Variants in PIK3CA observed in about 807,000 individuals in gnomAD.
PIK3CA encodes the protein phosphatidylinositol 4,5-bisphosphate 3-kinase catalytic subunit alpha isoform.
Under a neutral mutation model 138.2 loss-of-function variants are expected in PIK3CA, and 27 were observed. The observed-to-expected ratio is 0.20, with a 90% CI of 0.14 to 0.27. The LOEUF is 0.27. Among genes scored for constraint, PIK3CA ranks in the 10% least tolerant of loss-of-function variants. The pLI is 1.00. For missense variants in PIK3CA, 544 were observed against 1,277.4 expected, an observed-to-expected ratio of 0.43 and a Z score of 8.75; for synonymous variants, 358 against 413.2, an observed-to-expected ratio of 0.87 and a Z score of 1.62.
At chr3:179,175,955 G>T (rs1466287971) in intron 1 of PIK3CA, among the ~76,000 whole-genome samples, 2 of 152,132 alleles carry the variant, frequency 1.3e-5, no homozygotes, top group Non-Finnish European at 2.9e-5. Context: ...TGGGTGTGAA[G>T]TCAGAGCTCT....
chr3:179,158,638 T>C (rs1471440794), intron 1 of PIK3CA, among the ~76,000 whole-genome samples: 1 of 152,152 alleles, frequency 6.6e-6, no homozygotes, highest in Admixed American at 6.5e-5. Context: ...GAAGTCTTTA[T>C]TGAATATAAT....
At chr3:179,180,669 T>G (rs1723818789) in intron 1 of PIK3CA, among the ~76,000 whole-genome samples, 2 of 152,110 alleles carry the variant, frequency 1.3e-5, no homozygotes, top group Admixed American at 1.3e-4. Context: ...AGTGGTGATG[T>G]CATGAAGAAT....
At chr3:179,201,268 A>G in intron 3 of PIK3CA, 22 bp from the exon 4 acceptor site, 2 of 1,591,612 alleles carry the variant, frequency 1.3e-6, no homozygotes, top group Non-Finnish European at 1.7e-6. Context: ...TGGTGATTGC[A>G]TCTAATGTTT....
At chr3:179,167,312 A>G (rs1723444828) in intron 1 of PIK3CA, among the ~76,000 whole-genome samples, 1 of 151,942 alleles carries the variant, frequency 6.6e-6, no homozygotes, top group Admixed American at 6.6e-5. Flanking sequence ...TTGTTTCTTA[A>G]TTTTGTTACC....
intron 1 of PIK3CA, among the ~76,000 whole-genome samples, chr3:179,155,743 A>C (rs1173691981): frequency 6.6e-6 from 1 of 152,206 alleles, no homozygotes; most frequent in East Asian, 1.9e-4. Flanking sequence ...AATTTTCCAT[A>C]GATACCAAGG....
chr3:179,164,198 A>C (rs930582406), intron 1 of PIK3CA, among the ~76,000 whole-genome samples: 4 of 152,250 alleles, frequency 2.6e-5, no homozygotes, highest in African/African-American at 7.2e-5. Flanking sequence ...AAATATCCAG[A>C]CAAAACTGTA....
At chr3:179,200,287 C>A (rs1481644792) in intron 3 of PIK3CA, among the ~76,000 whole-genome samples, 1 of 151,530 alleles carries the variant, frequency 6.6e-6, no homozygotes, top group Non-Finnish European at 1.5e-5. Context: ...CATAAATACA[C>A]CAGAAAAAAA....
At position 179,229,462 on chromosome 3, in the gene PIK3CA, C is replaced by T. The variant is rs1725162733; in HGVS notation, c.2666+20C>T. ...AGAAATGTGAGTTGTATTATTCTTT[C>T]TTCCTATGTTAATCTAAGTTTTTGT... On this transcript the variant is annotated intron_variant, in intron 18 of 20. Coordinates refer to ENST00000263967, the MANE Select transcript of PIK3CA (RefSeq NM_006218.4). 3.1e-6 allele frequency: 5 copies of T among 1,587,580 alleles called. No individual in the cohort carries two copies. Among genetic ancestry groups the T allele is most frequent in the Non-Finnish European group, 4.3e-6 (5 of 1,164,202 alleles).
At chr3:179,231,630 CTTTTTTTTTTTTT>C (rs144349648) in intron 20 of PIK3CA, among the ~76,000 whole-genome samples, 6 of 50,416 alleles carry the variant, frequency 1.2e-4, no homozygotes, top group South Asian at 1.8e-3. Flanking sequence ...CCTTAGCCCA[CTTTTTTTTTTTTT>C]TTTTTTTTTT....
intron 9 of PIK3CA, among the ~76,000 whole-genome samples, chr3:179,213,520 A>G (rs1724768610): frequency 6.6e-6 from 1 of 152,232 alleles, no homozygotes; most frequent in South Asian, 2.1e-4. Flanking sequence ...TGCTGAAGTA[A>G]CGTTAGCGTG....
At chr3:179,225,130 T>C (rs2108418733) in intron 16 of PIK3CA, among the ~76,000 whole-genome samples, 1 of 152,008 alleles carries the variant, frequency 6.6e-6, no homozygotes, top group East Asian at 1.9e-4. Flanking sequence ...TGTTTTGGTT[T>C]TTTTTTTAAT....
Position 179,210,598 on chromosome 3 carries a change from A to G in PIK3CA, c.1539+33A>G, listed in dbSNP as rs201913047. On this transcript the variant is annotated intron_variant, in intron 9 of 20. Coordinates refer to ENST00000263967, the MANE Select transcript of PIK3CA (RefSeq NM_006218.4). ...AAATCACTGAGTTTATTAAGTATCA[A>G]TTATAATCTGTGGATTTAGGTAGAT... is the stretch of plus-strand genomic sequence containing the variant. The G allele has an allele frequency of 1.1e-4, 171 of 1,602,372 alleles. No homozygotes were observed. The South Asian group carries it at 1.6e-3, about 15-fold the overall frequency.
At chr3:179,213,400 A>G (rs1724765417) in intron 9 of PIK3CA, among the ~76,000 whole-genome samples, 2 of 152,354 alleles carry the variant, frequency 1.3e-5, no homozygotes, top group South Asian at 2.1e-4. Flanking sequence ...CTTTAAAAAT[A>G]TTGCTCAAAA....
At chr3:179,199,307 C>A in intron 2 of PIK3CA, 130 bp downstream of exon 2, 3 of 574,478 alleles carry the variant, frequency 5.2e-6, no homozygotes, top group African/African-American at 2.0e-5. Context: ...AATCATAAAT[C>A]TAAAGTATGT....
At chr3:179,181,819 C>T (rs922445916) in intron 1 of PIK3CA, among the ~76,000 whole-genome samples, 1 of 152,110 alleles carries the variant, frequency 6.6e-6, no homozygotes, top group Admixed American at 6.5e-5. Context: ...TTATTTTAAC[C>T]TTTAAAGTCT....
At chr3:179,151,074 TCTC>T (rs1247544715) in intron 1 of PIK3CA, among the ~76,000 whole-genome samples, 1 of 152,238 alleles carries the variant, frequency 6.6e-6, no homozygotes, top group African/African-American at 2.4e-5. Context: ...AAATATTTCA[TCTC>T]CAGTGAAAGT....
rs1725372023 is a variant in PIK3CA, at chr3:179,238,377, CCTG to C, written c.*4016_*4018del. The C allele has an allele frequency of 4.6e-6, 1 of 216,988 alleles. No individual in the cohort carries two copies. Among genetic ancestry groups the C allele is most frequent in the Non-Finnish European group, 9.3e-6 (1 of 107,950 alleles). 13.4% of individuals were successfully genotyped at this position (216,988 alleles called of 1,614,324 possible). On this transcript the variant is annotated 3_prime_UTR_variant, in exon 21 of 21. Transcript: ENST00000263967. Reference sequence around the variant, plus strand: ...TATCTATGTGCCATGGCCTGGGAAGCCTGCTTTCTTTTTTCATAAAAATTATTT... The same window carrying C: ...TATCTATGTGCCATGGCCTGGGAAGCCTTTCTTTTTTCATAAAAATTATTT...
chr3:179,154,825 T>C (rs907316850), intron 1 of PIK3CA, among the ~76,000 whole-genome samples: 8 of 152,344 alleles, frequency 5.3e-5, no homozygotes, highest in African/African-American at 1.9e-4. Context: ...ATCACTTTGG[T>C]AGTTAGCTTG....
intron 2 of PIK3CA, 24 bp from the exon 3 acceptor site, chr3:179,199,666 A>AACATTCTATTACATAAC: frequency 6.6e-7 from 1 of 1,508,346 alleles, no homozygotes; most frequent in Non-Finnish European, 9.2e-7. Context: ...AGAATGTTAT[A>AACATTCTATTACATAAC]TTCTTTATGT....
Sources: gnomAD v4.1 joint callset for allele counts (sites outside exome capture counted in the v4.1 genomes callset) on GRCh38, gnomAD v4.1.1 for gene constraint, MANE v1.5 for transcripts, NCBI Gene and HGNC (gene_info 2026-07-23, HGNC 2026-07-21) for gene names.